KLHL3: variants seen among roughly 807,000 people sequenced by gnomAD.
KLHL3 encodes the protein kelch-like protein 3.
A neutral mutation model predicts 70.5 loss-of-function variants in KLHL3; 19 were observed. The ratio of observed to expected loss-of-function variants is 0.27; its 90% CI spans 0.19 to 0.40. The LOEUF (loss-of-function observed/expected upper bound fraction) is 0.40, where lower values mean the gene tolerates loss of function less well. Ranked by LOEUF, KLHL3 falls within the 10% of genes least tolerant of loss-of-function variation. KLHL3 has a pLI of 1.00. For synonymous variants in KLHL3, 258 were observed against 290.3 expected (o/e 0.89, Z 1.13); for missense variants, 512 against 771.1 (o/e 0.66, Z 3.98).
At position 137,698,330 on chromosome 5, in the gene KLHL3, T is replaced by G; in HGVS notation, c.320A>C (p.Tyr107Ser). ...DGQTLSKLID[Y>S]IYTAEIEVTE... is the part of the protein sequence containing the mutation. ...CACCTCGATTTCAGCAGTATAGATG[T>G]AGTCAATCAGCTTACTCAGCGTCTG... Residue 107 changes from tyrosine (Y) to serine (S), a missense_variant, in exon 4 of 15, where the codon TAC becomes TCC. Physicochemically the swap from Tyr to Ser is moderately radical, Grantham distance 144 (BLOSUM62 -2). Transcript: ENST00000309755. 6.2e-7 allele frequency: 1 copy of G among 1,614,236 alleles called. No homozygotes were observed. Among genetic ancestry groups the G allele is most frequent in the Non-Finnish European group, 8.5e-7 (1 of 1,180,016 alleles).
intron 5 of KLHL3, among the ~76,000 whole-genome samples, chr5:137,691,944 A>C (rs1752333338): frequency 6.6e-6 from 1 of 152,172 alleles, no homozygotes; most frequent in African/African-American, 2.4e-5. Flanking sequence ...AAGAATGTTT[A>C]TGGAACGCTC....
At chr5:137,686,736 C>T (rs928083179) in intron 5 of KLHL3, among the ~76,000 whole-genome samples, 1 of 152,202 alleles carries the variant, frequency 6.6e-6, no homozygotes, top group Non-Finnish European at 1.5e-5. Flanking sequence ...AGCAGGCCCA[C>T]GTCAGTGGGT....
At chr5:137,712,557 A>G (rs554919881) in intron 2 of KLHL3, among the ~76,000 whole-genome samples, 107 of 152,306 alleles carry the variant, frequency 7.0e-4, no homozygotes, top group Middle Eastern at 3.4e-3. Flanking sequence ...TATCCATGCT[A>G]CATGGAAGAG....
At chr5:137,720,444 C>T (rs761321415) in intron 2 of KLHL3, 21 bp downstream of exon 2, 56 of 1,613,696 alleles carry the variant, frequency 3.5e-5, no homozygotes, top group African/African-American at 1.1e-4. Context: ...TGCAAGGGCA[C>T]GGACAAGATA....
chr5:137,702,750 T>C (rs539323852), intron 3 of KLHL3, among the ~76,000 whole-genome samples: 6 of 152,322 alleles, frequency 3.9e-5, no homozygotes, highest in African/African-American at 1.4e-4. Context: ...AAAGATGATG[T>C]TGGCCTGACT....
intron 7 of KLHL3, among the ~76,000 whole-genome samples, chr5:137,659,111 TG>T (rs1459484263): frequency 6.6e-6 from 1 of 152,252 alleles, no homozygotes; most frequent in Non-Finnish European, 1.5e-5. Context: ...ATGGGTAATG[TG>T]GTCTTCTGGG....
At chr5:137,734,145 T>C (rs1372981434) in intron 1 of KLHL3, among the ~76,000 whole-genome samples, 2 of 152,162 alleles carry the variant, frequency 1.3e-5, no homozygotes, top group East Asian at 3.8e-4. Flanking sequence ...CACTGACCTC[T>C]CAACCCCAGT....
intron 1 of KLHL3, among the ~76,000 whole-genome samples, chr5:137,728,953 G>A (rs956465001): frequency 6.6e-6 from 1 of 150,672 alleles, no homozygotes; most frequent in Admixed American, 6.6e-5. Flanking sequence ...AAACCAGCAC[G>A]TGTACCCCTG....
intron 6 of KLHL3, among the ~76,000 whole-genome samples, chr5:137,665,763 A>G (rs1450863919): frequency 6.6e-6 from 1 of 152,162 alleles, no homozygotes; most frequent in East Asian, 1.9e-4. Flanking sequence ...AAATATGTTA[A>G]TGTGCTTTTC....
In KLHL3 at chr5:137,735,772, G is replaced by C. The variant is rs1753251713; in HGVS notation, c.-126C>G. On this transcript the variant is annotated 5_prime_UTR_variant, in exon 1 of 15. Coordinates refer to ENST00000309755, the MANE Select transcript of KLHL3 (RefSeq NM_017415.3). ...TCAGCAACAGTGATTCAGCATGGCT[G>C]CAAGTGAAGCCTCCTCCCTTCTCAA... 1.6e-6 allele frequency: 2 copies of C among 1,280,144 alleles called. No homozygotes were observed. The highest frequency in any genetic ancestry group is 3.4e-5 in the Admixed American group (2 of 59,368). The allele number at this position is 1,280,144 out of a possible 1,614,324, so 79.3% of individuals were successfully genotyped here. A position where few individuals can be genotyped will look rare whatever the true frequency, so the allele number is the denominator to read the frequency against.
rs140501563 is a variant in KLHL3, at chr5:137,731,890, G to A, written c.14+3743C>T. On this transcript the variant is annotated intron_variant, in intron 1 of 14. Coordinates refer to ENST00000309755, the MANE Select transcript of KLHL3 (RefSeq NM_017415.3). ...TAACATAAAATGTATAATTTTAACCGTTTTTAAGTACAGTCATACTGTTGT... is the reference window on the plus strand; with the variant it reads ...TAACATAAAATGTATAATTTTAACCATTTTTAAGTACAGTCATACTGTTGT... Among the ~76,000 whole-genome samples, 1,246 of 152,114 alleles carry A rather than the reference G, an allele frequency of 8.2e-3. 19 individuals are homozygous for A. Among genetic ancestry groups the A allele is most frequent in the African/African-American group, 0.028 (1,144 of 41,504 alleles).
chr5:137,693,330 T>C (rs576814717), intron 4 of KLHL3, among the ~76,000 whole-genome samples: 44 of 152,324 alleles, frequency 2.9e-4, no homozygotes, highest in African/African-American at 9.4e-4. Context: ...ACAGGACACA[T>C]GACTATTTAT....
chr5:137,701,133 A>G (rs749955374), intron 3 of KLHL3, among the ~76,000 whole-genome samples: 3 of 152,070 alleles, frequency 2.0e-5, no homozygotes, highest in Non-Finnish European at 4.4e-5. Flanking sequence ...CCCGTGTTCA[A>G]GTGATTCTCC....
intron 4 of KLHL3, among the ~76,000 whole-genome samples, chr5:137,694,206 C>G (rs2905610): frequency 0.78 from 118,771 of 152,016 alleles, 46,636 homozygotes; most frequent in East Asian, 0.98. Flanking sequence ...GCTTACACTT[C>G]TCTCTCACGA....
At chr5:137,699,138 C>T (rs1752512570) in intron 3 of KLHL3, among the ~76,000 whole-genome samples, 1 of 152,160 alleles carries the variant, frequency 6.6e-6, no homozygotes, top group Admixed American at 6.5e-5. Context: ...CAAATCTCTC[C>T]TGGGAACTCC....
In KLHL3 at chr5:137,698,328, T is replaced by G. The variant is rs751720848; in HGVS notation, c.322A>C (p.Ile108Leu). 1 of 1,614,240 alleles carries G rather than the reference T, an allele frequency of 6.2e-7. No individual in the cohort carries two copies. The highest frequency in any genetic ancestry group is 8.5e-7 in the Non-Finnish European group (1 of 1,180,036). The change falls in exon 4 of 15, where the codon ATC becomes CTC. Residue 108 changes from isoleucine (I) to leucine (L), a missense_variant. By Grantham distance (5) the Ile-to-Leu change is conservative. Transcript: ENST00000309755. ...GQTLSKLIDY[I>L]YTAEIEVTEE... ...GTCACCTCGATTTCAGCAGTATAGA[T>G]GTAGTCAATCAGCTTACTCAGCGTC...
intron 1 of KLHL3, among the ~76,000 whole-genome samples, chr5:137,730,823 A>G (rs184772742): frequency 6.6e-6 from 1 of 152,318 alleles, no homozygotes; most frequent in Non-Finnish European, 1.5e-5. Flanking sequence ...ATATACTTTC[A>G]TAAGTGAAAA....
chr5:137,654,032 T>G (rs570789357), intron 8 of KLHL3, among the ~76,000 whole-genome samples: 2 of 152,260 alleles, frequency 1.3e-5, no homozygotes, highest in South Asian at 4.1e-4. Flanking sequence ...TATATGACAC[T>G]CTAGAAAAGG....
chr5:137,619,651 C>T lies in KLHL3; in HGVS notation c.*2447G>A, dbSNP rs1756338349. 6.5e-6 allele frequency: 1 copy of T among 152,714 alleles called. No homozygotes were observed. Among genetic ancestry groups the T allele is most frequent in the Non-Finnish European group, 1.5e-5 (1 of 68,114 alleles). The allele number at this position is 152,714 out of a possible 1,614,324, so 9.5% of individuals were successfully genotyped here. A position where few individuals can be genotyped will look rare whatever the true frequency, so the allele number is the denominator to read the frequency against. ...TGGTGGCATCTGTGGGCAGCTAGAG[C>T]AGATTGGCTTTGGTGATGACGTACC... is the stretch of plus-strand genomic sequence containing the variant. On this transcript the variant is annotated 3_prime_UTR_variant, in exon 15 of 15. Transcript: ENST00000309755.
Sources: allele counts gnomAD v4.1 joint callset (sites outside exome capture counted in the v4.1 genomes callset), GRCh38; gene constraint gnomAD v4.1.1; transcripts MANE v1.5; gene names NCBI Gene and HGNC (gene_info 2026-07-23, HGNC 2026-07-21).